Variants in NELL2 observed in about 807,000 individuals in gnomAD.
The protein encoded by NELL2 is protein kinase C-binding protein NELL2.
NELL2 carries 41 observed loss-of-function variants against 109.6 expected under a neutral mutation model. The observed-to-expected ratio is 0.37, with a 90% confidence interval of 0.29 to 0.49. The LOEUF is 0.49. NELL2 is among the 20% of genes least tolerant of loss of function. The pLI, the probability that NELL2 is intolerant of heterozygous loss-of-function variation, is 0.98. For missense variants in NELL2, 900 were observed against 1,008.3 expected (o/e 0.89, Z 1.45); for synonymous variants, 355 against 344.7 (o/e 1.03, Z -0.33).
intron 12 of NELL2, among the ~76,000 whole-genome samples, chr12:44,679,963 G>A (rs1015456476): frequency 3.3e-5 from 5 of 152,094 alleles, no homozygotes; most frequent in African/African-American, 1.2e-4. Flanking sequence ...CAACTTGCTT[G>A]AAATTAAAGA....
chr12:44,822,535 G>T (rs1326190806), intron 2 of NELL2, among the ~76,000 whole-genome samples: 2 of 152,172 alleles, frequency 1.3e-5, no homozygotes, highest in African/African-American at 2.4e-5. Flanking sequence ...CTGAAGCAGG[G>T]ACAAAGATCA....
At chr12:44,800,839 T>C (rs904374308) in intron 3 of NELL2, among the ~76,000 whole-genome samples, 1 of 152,212 alleles carries the variant, frequency 6.6e-6, no homozygotes, top group Admixed American at 6.6e-5. Flanking sequence ...CTAGAAGTTC[T>C]AGGCAGACTG....
rs975713234 is a variant in NELL2, at chr12:44,617,641, G to A, written c.1445-6671C>T. ...TGGGAGGCGGAGCTTGCAGTGAGCCGAGATCCCGCCACTGCACTCCAGCCT... is the reference window on the plus strand; with the variant it reads ...TGGGAGGCGGAGCTTGCAGTGAGCCAAGATCCCGCCACTGCACTCCAGCCT... On this transcript the variant is annotated intron_variant, in intron 13 of 19. Coordinates refer to ENST00000429094, the MANE Select transcript of NELL2 (RefSeq NM_001145108.2). Among the ~76,000 whole-genome samples the A allele has an allele frequency of 7.1e-5, 6 of 84,546 alleles. No homozygotes were observed. In the East Asian group the frequency reaches 1.5e-3, roughly 21 times the overall value. The allele number at this position is 84,546 out of a possible 152,430, so 55.5% of individuals were successfully genotyped here.
chr12:44,851,701 C>G (rs186005308), intron 2 of NELL2: 2 of 152,172 alleles, frequency 1.3e-5, no homozygotes, highest in Non-Finnish European at 2.9e-5. Flanking sequence ...TAGTAGCCAA[C>G]TAACATTTAT....
At chr12:44,791,119 A>ATATATGTATATATATATG (rs1360800177) in intron 3 of NELL2, among the ~76,000 whole-genome samples, 1 of 9,592 alleles carries the variant, frequency 1.0e-4, no homozygotes, top group Non-Finnish European at 2.6e-4. Flanking sequence ...GTATATATAT[A>ATATATGTATATATATATG]TGTATATATA....
At chr12:44,850,156 AAC>A (rs1197976912) in intron 2 of NELL2, among the ~76,000 whole-genome samples, 2 of 152,220 alleles carry the variant, frequency 1.3e-5, no homozygotes, top group African/African-American at 4.8e-5. Context: ...AGTAGATATA[AAC>A]ACAGAGTAGA....
At chr12:44,871,097 C>T (rs182619554) in intron 2 of NELL2, among the ~76,000 whole-genome samples, 1 of 152,214 alleles carries the variant, frequency 6.6e-6, no homozygotes, top group East Asian at 1.9e-4. Flanking sequence ...ATGCTCAGAA[C>T]CTTGCTCACA....
At chr12:44,852,009 CA>C (rs531810477) in intron 2 of NELL2, among the ~76,000 whole-genome samples, 1 of 151,366 alleles carries the variant, frequency 6.6e-6, no homozygotes, top group East Asian at 1.9e-4. Flanking sequence ...AGTATCTCTG[CA>C]AAAAAAACAC....
intron 19 of NELL2, among the ~76,000 whole-genome samples, chr12:44,518,497 A>G (rs967471942): frequency 1.3e-5 from 2 of 152,052 alleles, no homozygotes; most frequent in African/African-American, 4.8e-5. Context: ...CGCCCACCTC[A>G]GCCTCCCAAA....
intron 12 of NELL2, among the ~76,000 whole-genome samples, chr12:44,688,408 G>A (rs867595820): frequency 2.6e-5 from 4 of 152,280 alleles, no homozygotes; most frequent in South Asian, 4.1e-4. Flanking sequence ...AAATACATGT[G>A]AAGTATACAA....
At position 44,625,801 on chromosome 12, in the gene NELL2, G is replaced by A. The variant is rs183606296; in HGVS notation, c.1445-14831C>T. 1.6e-3 allele frequency among the ~76,000 whole-genome samples: 248 copies of A among 152,146 alleles called. 1 individual carries two copies. Among genetic ancestry groups the A allele is most frequent in the Non-Finnish European group, 3.1e-3 (211 of 67,996 alleles). ...TCTAGAAAAGTATTTATTACACTGT[G>A]GTTAATAAAATCTAACAACACATGA... is the stretch of plus-strand genomic sequence containing the variant. On this transcript the variant is annotated intron_variant, in intron 13 of 19. Coordinates refer to ENST00000429094, the MANE Select transcript of NELL2 (RefSeq NM_001145108.2).
At chr12:44,576,815 G>C (rs1173039077) in intron 15 of NELL2, among the ~76,000 whole-genome samples, 1 of 151,460 alleles carries the variant, frequency 6.6e-6, no homozygotes, top group South Asian at 2.1e-4. Flanking sequence ...TTGTTCTTGC[G>C]ATAGTTTACT....
chr12:44,615,069 TA>T (rs1026042626), intron 13 of NELL2, among the ~76,000 whole-genome samples: 1 of 151,970 alleles, frequency 6.6e-6, no homozygotes, highest in Non-Finnish European at 1.5e-5. Context: ...AAGACATAAG[TA>T]AAAAAACACA....
chr12:44,524,760 G>A (rs1592067028), intron 16 of NELL2, among the ~76,000 whole-genome samples: 1 of 151,986 alleles, frequency 6.6e-6, no homozygotes, highest in African/African-American at 2.4e-5. Flanking sequence ...TGATTACAGA[G>A]CTTTATTAAG....
intron 2 of NELL2, among the ~76,000 whole-genome samples, chr12:44,857,532 T>A (rs191058259): frequency 6.6e-6 from 1 of 152,064 alleles, no homozygotes; most frequent in East Asian, 1.9e-4. Flanking sequence ...CATCACCAGC[T>A]CCCACCAACA....
At chr12:44,518,099 A>C (rs1941355249) in intron 19 of NELL2, among the ~76,000 whole-genome samples, 1 of 152,214 alleles carries the variant, frequency 6.6e-6, no homozygotes, top group East Asian at 1.9e-4. Context: ...AATAGTATTT[A>C]ATAGTAACTT....
At chr12:44,899,450 G>C (rs1461069692) in intron 1 of NELL2, among the ~76,000 whole-genome samples, 1 of 152,094 alleles carries the variant, frequency 6.6e-6, no homozygotes, top group Non-Finnish European at 1.5e-5. Context: ...GAGAGTGGGG[G>C]CCAATATTCA....
intron 2 of NELL2, among the ~76,000 whole-genome samples, chr12:44,845,058 T>C (rs1671810229): frequency 6.6e-6 from 1 of 152,188 alleles, no homozygotes. Flanking sequence ...AATTCCAATA[T>C]AGTTTCCTCA....
At chr12:44,617,984 T>A (rs1320194790) in intron 13 of NELL2, among the ~76,000 whole-genome samples, 1 of 152,156 alleles carries the variant, frequency 6.6e-6, no homozygotes, top group African/African-American at 2.4e-5. Flanking sequence ...CTACTTTCAA[T>A]GATTACATCA....
Sources: allele counts gnomAD v4.1 joint callset (sites outside exome capture counted in the v4.1 genomes callset), GRCh38; gene constraint gnomAD v4.1.1; transcripts MANE v1.5; gene names NCBI Gene and HGNC (gene_info 2026-07-23, HGNC 2026-07-21).